The following FMN1 variants were observed in gnomAD, a reference collection of about 807,000 sequenced individuals.
FMN1 encodes the protein formin 1.
Under a neutral mutation model 132.4 loss-of-function variants are expected in FMN1, and 110 were observed. The observed-to-expected ratio is 0.83, with a 90% CI of 0.71 to 0.97. The LOEUF (loss-of-function observed/expected upper bound fraction) is 0.97. Among genes scored for constraint, FMN1 ranks in the 50% least tolerant of loss-of-function variants. FMN1 has a pLI of 0.00. For synonymous variants in FMN1, 722 were observed against 651.7 expected, an observed-to-expected ratio of 1.11 and a Z score of -1.64; for missense variants, 1,792 against 1,705.3, an observed-to-expected ratio of 1.05 and a Z score of -0.90.
intron 6 of FMN1, among the ~76,000 whole-genome samples, chr15:33,047,314 T>C (rs1199269420): frequency 1.3e-5 from 2 of 152,346 alleles, no homozygotes; most frequent in Admixed American, 6.5e-5. Flanking sequence ...TGTGGTTAAG[T>C]CATAACCTTA....
At chr15:33,139,360 G>T (rs1238427874) in intron 4 of FMN1, among the ~76,000 whole-genome samples, 1 of 152,182 alleles carries the variant, frequency 6.6e-6, no homozygotes, top group East Asian at 1.9e-4. Context: ...ACTTTGGGAG[G>T]CCGAGGCGGG....
chr15:32,847,139 T>C (rs2058875277), intron 17 of FMN1, among the ~76,000 whole-genome samples: 1 of 152,236 alleles, frequency 6.6e-6, no homozygotes, highest in South Asian at 2.1e-4. Context: ...CATCATGAGG[T>C]TGTCCTTAGT....
chr15:33,053,920 G>A (rs759153212), intron 6 of FMN1, among the ~76,000 whole-genome samples: 7 of 151,628 alleles, frequency 4.6e-5, no homozygotes, highest in African/African-American at 9.7e-5. Flanking sequence ...TCTTTCTTTC[G>A]GAGTTTTTAA....
chr15:32,908,495 A>T lies in FMN1; in HGVS notation c.3372T>A (p.Pro1124=), dbSNP rs759458104. 6.9e-6 allele frequency: 11 copies of T among 1,603,540 alleles called. No individual in the cohort carries two copies. The African/African-American group carries it at 1.2e-4, about 18-fold the overall frequency. The part of the protein sequence containing the change: ...KEEELKLLDK[P]EQFLHELAQI... The stretch of plus-strand genomic sequence containing the variant: ...AAAATGTTAAGTATCCTTACTGCTC[A>T]GGTTTATCCAGCAGCTTCAGTTCTT... The change falls in exon 12 of 21, where the codon CCT becomes CCA. Residue 1124 remains proline, a synonymous_variant. Transcript: ENST00000616417.
intron 6 of FMN1, among the ~76,000 whole-genome samples, chr15:33,023,980 T>A (rs2035544780): frequency 6.6e-6 from 1 of 152,094 alleles, no homozygotes; most frequent in African/African-American, 2.4e-5. Context: ...ATAAGCCACA[T>A]AAATGGAGAA....
intron 10 of FMN1, among the ~76,000 whole-genome samples, chr15:32,911,098 A>C (rs747564226): frequency 1.3e-5 from 2 of 152,248 alleles, no homozygotes; most frequent in Non-Finnish European, 2.9e-5. Flanking sequence ...CCCATGAGCC[A>C]GTCTTCAGGC....
chr15:33,059,899 C>T (rs549302405), intron 6 of FMN1, among the ~76,000 whole-genome samples: 1 of 152,282 alleles, frequency 6.6e-6, no homozygotes, highest in Non-Finnish European at 1.5e-5. Flanking sequence ...GTCTCCAGTC[C>T]GCACTTTTGA....
chr15:33,110,222 G>C (rs889441767), intron 4 of FMN1, among the ~76,000 whole-genome samples: 5 of 151,980 alleles, frequency 3.3e-5, no homozygotes, highest in African/African-American at 1.2e-4. Flanking sequence ...AAAACCATAA[G>C]CAAGTAAAGT....
chr15:32,876,942 A>AT (rs148575295), intron 16 of FMN1, among the ~76,000 whole-genome samples: 33,884 of 151,970 alleles, frequency 0.22, 3,954 homozygotes, highest in South Asian at 0.26. Flanking sequence ...ATTTTGGCCA[A>AT]TTTTTTTCCA....
At position 32,766,516 on chromosome 15, in the gene FMN1, G is replaced by A. The variant is rs1184260709; in HGVS notation, c.*7794C>T. On this transcript the variant is annotated 3_prime_UTR_variant, in exon 21 of 21. Transcript: ENST00000616417. The stretch of plus-strand genomic sequence containing the variant: ...GGTAAAATCTATGAGAAATTGAGAA[G>A]GCCTAGAATAAGAACCCCCCCCCCA... The A allele has an allele frequency of 6.8e-6, 1 of 146,608 alleles. No individual in the cohort carries two copies. The highest frequency in any genetic ancestry group is 1.5e-5 in the Non-Finnish European group (1 of 66,520). 9.1% of individuals were successfully genotyped at this position (146,608 alleles called of 1,614,324 possible).
At chr15:32,924,358 T>C (rs2060905010) in intron 10 of FMN1, among the ~76,000 whole-genome samples, 1 of 152,218 alleles carries the variant, frequency 6.6e-6, no homozygotes, top group Non-Finnish European at 1.5e-5. Flanking sequence ...TTTTTAATTT[T>C]TGTAATGTAG....
intron 6 of FMN1, among the ~76,000 whole-genome samples, chr15:33,060,355 T>C (rs920968437): frequency 8.5e-5 from 13 of 152,290 alleles, no homozygotes; most frequent in Non-Finnish European, 1.8e-4. Context: ...TAACTCTCTT[T>C]GACTGATAAA....
chr15:32,873,392 G>C (rs902247686), intron 16 of FMN1, among the ~76,000 whole-genome samples: 2 of 152,138 alleles, frequency 1.3e-5, no homozygotes, highest in Non-Finnish European at 2.9e-5. Context: ...TGGTATTAAC[G>C]GGAAGCCTCC....
At chr15:32,898,007 G>A (rs931295156) in intron 15 of FMN1, among the ~76,000 whole-genome samples, 2 of 152,188 alleles carry the variant, frequency 1.3e-5, no homozygotes, top group African/African-American at 2.4e-5. Flanking sequence ...GAGCCTGGCT[G>A]TAGGTATATT....
At chr15:33,111,326 C>T (rs113129911) in intron 4 of FMN1, among the ~76,000 whole-genome samples, 3 of 152,132 alleles carry the variant, frequency 2.0e-5, no homozygotes, top group Non-Finnish European at 4.4e-5. Context: ...CAGATAACAA[C>T]AAGTGTTCAT....
intron 4 of FMN1, among the ~76,000 whole-genome samples, chr15:33,133,923 C>T (rs1035192776): frequency 2.6e-5 from 4 of 152,074 alleles, no homozygotes; most frequent in African/African-American, 9.7e-5. Context: ...TAATAAATTA[C>T]AAAATTAGAT....
At chr15:32,951,962 G>A (rs1205339586) in intron 9 of FMN1, among the ~76,000 whole-genome samples, 1 of 152,144 alleles carries the variant, frequency 6.6e-6, no homozygotes, top group Non-Finnish European at 1.5e-5. Context: ...CTCTGCTACA[G>A]CCTTGTCACT....
At chr15:33,156,098 T>G (rs1010378098) in intron 3 of FMN1, among the ~76,000 whole-genome samples, 3 of 152,274 alleles carry the variant, frequency 2.0e-5, no homozygotes, top group South Asian at 2.1e-4. Context: ...AAGTATATTT[T>G]GAGTGAAGGA....
chr15:33,128,983 C>T (rs1963414503), intron 4 of FMN1, among the ~76,000 whole-genome samples: 1 of 152,174 alleles, frequency 6.6e-6, no homozygotes, highest in Non-Finnish European at 1.5e-5. Context: ...GTCCATTTTA[C>T]AGAGTGCTGA....
Sources: gnomAD v4.1 joint callset for allele counts (sites outside exome capture counted in the v4.1 genomes callset) on GRCh38, gnomAD v4.1.1 for gene constraint, MANE v1.5 for transcripts, NCBI Gene and HGNC (gene_info 2026-07-23, HGNC 2026-07-21) for gene names.